EXOC6: variants seen among roughly 807,000 people sequenced by gnomAD.
The protein encoded by EXOC6 is SEC15-like 1.
EXOC6 carries 60 observed loss-of-function variants against 112.5 expected under a neutral mutation model. That is an observed-to-expected ratio of 0.53 (90% CI 0.43 to 0.66). The LOEUF (loss-of-function observed/expected upper bound fraction) is 0.66. Among genes scored for constraint, EXOC6 ranks in the 30% least tolerant of loss-of-function variants. The probability of loss-of-function intolerance (pLI) is 0.00; values close to 1 mark genes in which losing one functional copy is unlikely to be tolerated. For synonymous variants in EXOC6, 295 were observed against 308.0 expected, an observed-to-expected ratio of 0.96 and a Z score of 0.44; for missense variants, 855 against 957.1, an observed-to-expected ratio of 0.89 and a Z score of 1.41.
chr10:93,056,049 T>C (rs1846525263), intron 20 of EXOC6, among the ~76,000 whole-genome samples: 7 of 152,098 alleles, frequency 4.6e-5, no homozygotes, highest in Admixed American at 2.0e-4. Flanking sequence ...AGAAAGAATA[T>C]AAAAACTAAA....
At chr10:92,999,168 C>T in intron 19 of EXOC6, 1 of 384,088 alleles carries the variant, frequency 2.6e-6, no homozygotes, top group Non-Finnish European at 5.0e-6. Flanking sequence ...TACCCTTGGC[C>T]TATTTTGTAT....
intron 18 of EXOC6, among the ~76,000 whole-genome samples, chr10:92,986,398 T>C (rs1843009633): frequency 6.6e-6 from 1 of 152,134 alleles, no homozygotes; most frequent in Non-Finnish European, 1.5e-5. Context: ...TATTCCAGTC[T>C]TCCAGAAGAG....
At chr10:92,939,112 C>T (rs1279088847) in intron 12 of EXOC6, among the ~76,000 whole-genome samples, 2 of 152,048 alleles carry the variant, frequency 1.3e-5, no homozygotes, top group Non-Finnish European at 2.9e-5. Flanking sequence ...GGTGGTTTGA[C>T]CCAGATTATG....
chr10:93,023,907 A>G (rs998534897), intron 20 of EXOC6, among the ~76,000 whole-genome samples: 23 of 136,060 alleles, frequency 1.7e-4, no homozygotes, highest in African/African-American at 5.7e-4. Context: ...TCACTGGGAA[A>G]TGAGGTGTCA....
chr10:92,912,954 G>A (rs920387985), intron 6 of EXOC6, among the ~76,000 whole-genome samples: 4 of 152,168 alleles, frequency 2.6e-5, no homozygotes, highest in African/African-American at 9.7e-5. Flanking sequence ...TCTGGGATAG[G>A]AATCTTGGTG....
Position 92,997,560 on chromosome 10 carries a change from A to C in EXOC6, c.2040A>C (p.Lys680Asn). ...LMQMLLDSEL[K>N]QISMGAVQQF... ...AGATGCTACTGGACAGTGAGTTAAA[A>C]CAAATAAGCATGGGAGCTGTTCAGC... Residue 680 changes from lysine (K) to asparagine (N), a missense_variant, in exon 19 of 22, where the codon AAA becomes AAC. Lys to Asn is a moderately conservative substitution (Grantham distance 94). Transcript: ENST00000260762. 6.2e-7 allele frequency: 1 copy of C among 1,613,858 alleles called. No homozygotes were observed. The highest frequency in any genetic ancestry group is 8.5e-7 in the Non-Finnish European group (1 of 1,179,832).
chr10:92,852,230 A>G (rs1308654949), intron 1 of EXOC6, among the ~76,000 whole-genome samples: 1 of 152,230 alleles, frequency 6.6e-6, no homozygotes, highest in Admixed American at 6.5e-5. Flanking sequence ...TTTTGCTGTT[A>G]TAAGCCTTCC....
chr10:92,907,322 T>G (rs1850498563), intron 5 of EXOC6, among the ~76,000 whole-genome samples: 1 of 152,176 alleles, frequency 6.6e-6, no homozygotes, highest in Non-Finnish European at 1.5e-5. Context: ...AAGGAGAACT[T>G]ATCTCTGACT....
At chr10:92,834,742 T>C in exon 1 of EXOC6, 1 of 1,608,920 alleles carries the variant, frequency 6.2e-7, no homozygotes, top group Non-Finnish European at 8.5e-7. Context: ...TCGAGCGATG[T>C]TGGAAGAAGA....
intron 4 of EXOC6, among the ~76,000 whole-genome samples, chr10:92,899,105 G>A (rs190403059): frequency 1.6e-4 from 24 of 152,112 alleles, no homozygotes; most frequent in African/African-American, 5.3e-4. Flanking sequence ...AGCTTTTGAC[G>A]TTTTTCTTTC....
chr10:93,000,324 G>A (rs1329580756), intron 19 of EXOC6, among the ~76,000 whole-genome samples: 3 of 152,078 alleles, frequency 2.0e-5, no homozygotes, highest in Non-Finnish European at 1.5e-5. Context: ...CTAGCCTATT[G>A]ACATTTGGAG....
intron 18 of EXOC6, among the ~76,000 whole-genome samples, chr10:92,993,363 G>A (rs1045472322): frequency 1.3e-5 from 2 of 152,022 alleles, no homozygotes; most frequent in Admixed American, 6.5e-5. Context: ...AGACCAATAC[G>A]GAAAGAATGT....
Position 92,967,136 on chromosome 10 carries a change from G to A in EXOC6, c.1774-6917G>A, listed in dbSNP as rs540842973. ...CCTTCGCCCACTTTTTGATGGGGTT[G>A]TTTGTTTTTTTCTTGTAAATTTGTT... On this transcript the variant is annotated intron_variant, in intron 17 of 21. Coordinates refer to ENST00000260762, the MANE Select transcript of EXOC6 (RefSeq NM_019053.6). 1.4e-4 allele frequency among the ~76,000 whole-genome samples: 21 copies of A among 151,586 alleles called. No homozygotes were observed. In the South Asian group the frequency reaches 4.0e-3, roughly 29 times the overall value.
chr10:92,955,309 G>GT (rs1170186019), intron 16 of EXOC6, among the ~76,000 whole-genome samples: 1 of 151,898 alleles, frequency 6.6e-6, no homozygotes, highest in Non-Finnish European at 1.5e-5. Context: ...CTTGCTAAAT[G>GT]TTTAAGATTT....
At chr10:93,031,098 GAGA>G (rs1845249525) in intron 20 of EXOC6, among the ~76,000 whole-genome samples, 1 of 152,166 alleles carries the variant, frequency 6.6e-6, no homozygotes, top group African/African-American at 2.4e-5. Flanking sequence ...GATGCAGAAA[GAGA>G]AGGAGGTAGA....
chr10:92,837,979 G>GC (rs895827562), intron 1 of EXOC6, among the ~76,000 whole-genome samples: 1 of 152,044 alleles, frequency 6.6e-6, no homozygotes, highest in Non-Finnish European at 1.5e-5. Flanking sequence ...TCCTTTCCCT[G>GC]CCCACCTTGT....
At chr10:92,993,652 T>C (rs1326187186) in intron 18 of EXOC6, among the ~76,000 whole-genome samples, 2 of 152,228 alleles carry the variant, frequency 1.3e-5, no homozygotes, top group Non-Finnish European at 2.9e-5. Context: ...TAAACTATGT[T>C]GTGTTTTTAC....
At chr10:92,985,607 AG>A (rs1263027734) in intron 18 of EXOC6, among the ~76,000 whole-genome samples, 11 of 152,164 alleles carry the variant, frequency 7.2e-5, no homozygotes, top group African/African-American at 2.4e-4. Context: ...TCATCTCTAA[AG>A]TCCCTGTATA....
At chr10:92,955,526 T>A in intron 16 of EXOC6, 54 bp from the exon 17 acceptor site, 1 of 1,426,842 alleles carries the variant, frequency 7.0e-7, no homozygotes, top group Non-Finnish European at 9.7e-7. Flanking sequence ...AAAAATTAGG[T>A]GATTTTACAT....
Sources: gnomAD v4.1 joint callset for allele counts (sites outside exome capture counted in the v4.1 genomes callset) on GRCh38, gnomAD v4.1.1 for gene constraint, MANE v1.5 for transcripts, NCBI Gene and HGNC (gene_info 2026-07-23, HGNC 2026-07-21) for gene names.